Variants in TMEM260 observed in about 807,000 individuals in gnomAD.
TMEM260 encodes protein O-mannosyl-transferase TMEM260.
Under a neutral mutation model 88.9 loss-of-function variants are expected in TMEM260, and 82 were observed. The ratio of observed to expected loss-of-function variants is 0.92; its 90% CI spans 0.77 to 1.11. The LOEUF is 1.11. Ranked by LOEUF, TMEM260 falls within the 50% of genes least tolerant of loss-of-function variation. TMEM260 has a pLI of 0.00. For synonymous variants in TMEM260, 314 were observed against 309.3 expected, an observed-to-expected ratio of 1.02 and a Z score of -0.16; for missense variants, 902 against 853.4, an observed-to-expected ratio of 1.06 and a Z score of -0.71.
chr14:56,621,381 C>T (rs1391045152), intron 10 of TMEM260, 150 bp from the exon 11 acceptor site: 1 of 562,384 alleles, frequency 1.8e-6, no homozygotes, highest in Non-Finnish European at 2.9e-6. Context: ...ATAGTATTCT[C>T]TCTTCAAATA....
chr14:56,640,561 A>G (rs1171973805), intron 15 of TMEM260, among the ~76,000 whole-genome samples: 2 of 152,110 alleles, frequency 1.3e-5, no homozygotes, highest in Non-Finnish European at 2.9e-5. Context: ...CAGCAGAAAA[A>G]CCAGAAACTC....
intron 3 of TMEM260, among the ~76,000 whole-genome samples, chr14:56,596,410 A>G (rs60231198): frequency 0.17 from 14,852 of 86,484 alleles, 858 homozygotes; most frequent in Middle Eastern, 0.27. Context: ...GTGTGTGTAT[A>G]TATATATATA....
At chr14:56,645,658 T>G (rs945821710) in intron 15 of TMEM260, among the ~76,000 whole-genome samples, 1 of 152,044 alleles carries the variant, frequency 6.6e-6, no homozygotes, top group East Asian at 1.9e-4. Context: ...TTTTAAAAAA[T>G]TATACTTAAT....
At position 56,623,980 on chromosome 14, in the gene TMEM260, T is replaced by C. The variant is rs1192718357; in HGVS notation, c.1399-1402T>C. 1.3e-5 allele frequency among the ~76,000 whole-genome samples: 2 copies of C among 152,212 alleles called. 1 individual carries two copies. Among genetic ancestry groups the C allele is most frequent in the African/African-American group, 4.8e-5 (2 of 41,450 alleles). ...TATAGAGTTAAGTATGTGTTAAGTA[T>C]AGAATTAAGTAAAATGATTTTTTCT... is the stretch of plus-strand genomic sequence containing the variant. On this transcript the variant is annotated intron_variant, in intron 11 of 15. Transcript: ENST00000261556.
intron 4 of TMEM260, among the ~76,000 whole-genome samples, chr14:56,604,967 G>T (rs180837121): frequency 1.3e-5 from 2 of 152,308 alleles, no homozygotes; most frequent in Non-Finnish European, 2.9e-5. Context: ...AACTTGATCA[G>T]ATATTGAGAA....
downstream of TMEM260, among the ~76,000 whole-genome samples, chr14:56,654,955 T>A (rs1890274570): frequency 6.6e-6 from 1 of 152,050 alleles, no homozygotes; most frequent in Non-Finnish European, 1.5e-5. Flanking sequence ...CAAATTTGAC[T>A]CTTGGTTTAT....
chr14:56,622,193 A>C (rs1433207864), intron 11 of TMEM260, among the ~76,000 whole-genome samples: 2 of 151,742 alleles, frequency 1.3e-5, no homozygotes, highest in Non-Finnish European at 2.9e-5. Context: ...AATACAAAAA[A>C]TTAGCCGGGT....
At chr14:56,595,316 CT>C (rs1886137849) in intron 3 of TMEM260, among the ~76,000 whole-genome samples, 3 of 151,986 alleles carry the variant, frequency 2.0e-5, no homozygotes, top group Non-Finnish European at 4.4e-5. Context: ...TATGTAGTGT[CT>C]TATTGATATG....
intron 14 of TMEM260, among the ~76,000 whole-genome samples, chr14:56,635,615 C>G (rs1194294321): frequency 1.3e-5 from 2 of 152,068 alleles, no homozygotes; most frequent in Non-Finnish European, 1.5e-5. Context: ...GTTTTTTAAT[C>G]AAAATAACAC....
chr14:56,636,478 T>G (rs1433198253), intron 14 of TMEM260, 30 bp from the exon 15 acceptor site: 2 of 1,591,668 alleles, frequency 1.3e-6, no homozygotes, highest in African/African-American at 2.7e-5. Context: ...ACTGTATGAT[T>G]TTAATGAAGG....
Position 56,617,283 on chromosome 14 carries a change from CT to C in TMEM260, c.1046del (p.Phe349SerfsTer15). ...AGCAAATTTAGATATTTCAAAACCA[CT>C]TTTCATGGGTGTGGTAAGTTTTACT... ...WRANLDISKPLFMGVVERFWM... is the reference protein window; with the variant it reads ...WRANLDISKPXFMGVVERFWM... On this transcript the variant is annotated frameshift_variant, in exon 9 of 16. Transcript: ENST00000261556. LOFTEE classifies it high-confidence loss of function. 6.3e-7 allele frequency: 1 copy of C among 1,593,188 alleles called. No individual in the cohort carries two copies. The highest frequency in any genetic ancestry group is 1.1e-5 in the South Asian group (1 of 87,074).
At chr14:56,611,587 G>A (rs1305919326) in intron 6 of TMEM260, among the ~76,000 whole-genome samples, 1 of 152,174 alleles carries the variant, frequency 6.6e-6, no homozygotes, top group Admixed American at 6.5e-5. Context: ...TACACTGCTG[G>A]TGGGAGTGTA....
chr14:56,646,720 G>T (rs561509605), intron 15 of TMEM260, among the ~76,000 whole-genome samples: 5 of 152,274 alleles, frequency 3.3e-5, no homozygotes, highest in Non-Finnish European at 7.4e-5. Flanking sequence ...TGATGAATTT[G>T]TCTGGATTGT....
chr14:56,627,951 C>T (rs978264349), intron 12 of TMEM260, among the ~76,000 whole-genome samples: 2 of 152,274 alleles, frequency 1.3e-5, no homozygotes, highest in Admixed American at 6.5e-5. Context: ...CTGATCTGTT[C>T]TTCATTATTA....
At chr14:56,647,041 A>G (rs2139662253) in intron 15 of TMEM260, among the ~76,000 whole-genome samples, 1 of 152,302 alleles carries the variant, frequency 6.6e-6, no homozygotes, top group South Asian at 2.1e-4. Context: ...GCAGTTTTAG[A>G]AGCAGCATAT....
chr14:56,644,341 A>G (rs903838945), intron 15 of TMEM260, among the ~76,000 whole-genome samples: 17 of 152,192 alleles, frequency 1.1e-4, no homozygotes, highest in Admixed American at 2.0e-4. Context: ...GGTCTCAGAA[A>G]TAATGCCACA....
intron 11 of TMEM260, among the ~76,000 whole-genome samples, chr14:56,622,387 A>T (rs900285091): frequency 6.6e-6 from 1 of 151,750 alleles, no homozygotes; most frequent in African/African-American, 2.4e-5. Flanking sequence ...TATTCAGCTA[A>T]CTCAACCATT....
intron 15 of TMEM260, among the ~76,000 whole-genome samples, chr14:56,639,945 C>T (rs1013334081): frequency 7.2e-5 from 11 of 152,138 alleles, no homozygotes; most frequent in Middle Eastern, 3.2e-3. Context: ...GAGGGGTGCC[C>T]GCCATTGCTG....
chr14:56,628,511 A>G lies in TMEM260; in HGVS notation c.1547+2981A>G, dbSNP rs541163097. Among the ~76,000 whole-genome samples the G allele has an allele frequency of 1.1e-4, 17 of 152,208 alleles. No homozygotes were observed. The South Asian group carries it at 2.7e-3, about 24-fold the overall frequency. Reference sequence around the variant, plus strand: ...CAAAGATTTTCTCATGTTTTCTTCTATGAGTTCTATAGTTTTGTTTTTGTG... The same window carrying G: ...CAAAGATTTTCTCATGTTTTCTTCTGTGAGTTCTATAGTTTTGTTTTTGTG... On this transcript the variant is annotated intron_variant, in intron 12 of 15. Coordinates refer to ENST00000261556, the MANE Select transcript of TMEM260 (RefSeq NM_017799.4).
Sources: gnomAD v4.1 joint callset for allele counts (sites outside exome capture counted in the v4.1 genomes callset) on GRCh38, gnomAD v4.1.1 for gene constraint, MANE v1.5 for transcripts, NCBI Gene and HGNC (gene_info 2026-07-23, HGNC 2026-07-21) for gene names.